ILRUN: variants seen among roughly 807,000 people sequenced by gnomAD.
ILRUN encodes protein ILRUN.
A neutral mutation model predicts 33.8 loss-of-function variants in ILRUN; 3 were observed. The ratio of observed to expected loss-of-function variants is 0.09; its 90% CI spans 0.04 to 0.23. The LOEUF (loss-of-function observed/expected upper bound fraction) is 0.23. ILRUN is among the 10% of genes least tolerant of loss of function. ILRUN has a pLI of 1.00. For missense variants in ILRUN, 210 were observed against 375.1 expected (o/e 0.56, Z 3.64); for synonymous variants, 124 against 138.9 (o/e 0.89, Z 0.75).
At chr6:34,675,363 T>C (rs1326945490) in intron 1 of ILRUN, among the ~76,000 whole-genome samples, 1 of 152,088 alleles carries the variant, frequency 6.6e-6, no homozygotes, top group Admixed American at 6.6e-5. Context: ...ATGATAAAGA[T>C]GGCATTTCAA....
At chr6:34,682,120 G>A (rs190095611) in intron 1 of ILRUN, among the ~76,000 whole-genome samples, 194 of 147,346 alleles carry the variant, frequency 1.3e-3, no homozygotes, top group African/African-American at 4.3e-3. Context: ...TGATCCGCCC[G>A]CCTGGCCTCC....
intron 1 of ILRUN, among the ~76,000 whole-genome samples, chr6:34,682,547 C>T (rs1451442708): frequency 6.6e-6 from 1 of 151,984 alleles, no homozygotes; most frequent in African/African-American, 2.4e-5. Flanking sequence ...GGTGAGCCAC[C>T]GCGCCCAGCC....
chr6:34,685,807 G>T (rs1415381199), intron 1 of ILRUN, among the ~76,000 whole-genome samples: 1 of 152,030 alleles, frequency 6.6e-6, no homozygotes, highest in Non-Finnish European at 1.5e-5. Flanking sequence ...ATTTAATACA[G>T]AGCTAATGAG....
chr6:34,605,054 C>T (rs1761596806), intron 4 of ILRUN, among the ~76,000 whole-genome samples: 1 of 152,296 alleles, frequency 6.6e-6, no homozygotes, highest in East Asian at 1.9e-4. Context: ...CGCCTGTAAT[C>T]CCAACACTTT....
chr6:34,657,274 CTATT>C (rs771095253), intron 1 of ILRUN, among the ~76,000 whole-genome samples: 1 of 152,116 alleles, frequency 6.6e-6, no homozygotes, highest in Non-Finnish European at 1.5e-5. Context: ...AGGGAAGAAA[CTATT>C]TGTGCACTCA....
intron 1 of ILRUN, chr6:34,686,531 A>AACAACAAAAAGAC (rs1375745759): frequency 6.0e-6 from 1 of 167,788 alleles, no homozygotes; most frequent in East Asian, 1.7e-4. Flanking sequence ...CTTACAACTG[A>AACAACAAAAAGAC]ACAACAAAAA....
At chr6:34,600,982 C>A (rs964809839) in intron 4 of ILRUN, among the ~76,000 whole-genome samples, 1 of 152,190 alleles carries the variant, frequency 6.6e-6, no homozygotes, top group Non-Finnish European at 1.5e-5. Context: ...GGGCAAATCA[C>A]TGAACCAGTC....
chr6:34,687,075 A>G lies in ILRUN; in HGVS notation c.158+9371T>C, dbSNP rs562581768. On this transcript the variant is annotated intron_variant, in intron 1 of 4. Transcript: ENST00000374023. ...TGCAAGCATTTTGAACTGGGAGGCG[A>G]TAAGACGAGAAAGGACCAAGTGATA... The G allele has an allele frequency of 6.1e-5, 11 of 180,336 alleles. No individual in the cohort carries two copies. In the South Asian group the frequency reaches 1.3e-3, roughly 22 times the overall value. The allele number at this position is 180,336 out of a possible 1,614,324, so 11.2% of individuals were successfully genotyped here.
rs762670417 is a variant in ILRUN at position 34,590,577 on chromosome 6, G to A, written c.885C>T (p.Phe295=). ...YSKGLHGPYP[F]GQS is the part of the protein sequence containing the mutation. ...TGCTGACACCCGTTTAAGACTGGCC[G>A]AAGGGGTAAGGCCCATGGAGCCCCT... Residue 295 remains phenylalanine, a synonymous_variant, in exon 5 of 5, where the codon TTC becomes TTT. Transcript: ENST00000374023. 6.1e-5 allele frequency: 99 copies of A among 1,613,670 alleles called. No homozygotes were observed. Among genetic ancestry groups the A allele is most frequent in the Non-Finnish European group, 8.0e-5 (94 of 1,179,746 alleles).
At chr6:34,596,643 C>T (rs968079213) in intron 4 of ILRUN, among the ~76,000 whole-genome samples, 1 of 152,020 alleles carries the variant, frequency 6.6e-6, no homozygotes, top group Non-Finnish European at 1.5e-5. Flanking sequence ...TGACAGTTTC[C>T]CAAAATTCAA....
chr6:34,688,013 G>C (rs1182018303), intron 1 of ILRUN, among the ~76,000 whole-genome samples: 1 of 151,760 alleles, frequency 6.6e-6, no homozygotes, highest in African/African-American at 2.4e-5. Flanking sequence ...ATAGTCAAAA[G>C]ATAGAAACAC....
At chr6:34,675,514 AGT>A (rs1447400404) in intron 1 of ILRUN, among the ~76,000 whole-genome samples, 1 of 152,146 alleles carries the variant, frequency 6.6e-6, no homozygotes, top group Non-Finnish European at 1.5e-5. Context: ...AGAAAACAGA[AGT>A]GAATTTTATA....
At position 34,673,827 on chromosome 6, in the gene ILRUN, C is replaced by CCACACA. The variant is rs537172828; in HGVS notation, c.159-19049_159-19048insTGTGTG. Among the ~76,000 whole-genome samples, 37 of 107,740 alleles carry CCACACA rather than the reference C, an allele frequency of 3.4e-4. 2 individuals are homozygous for CCACACA. Among genetic ancestry groups the CCACACA allele is most frequent in the African/African-American group, 5.0e-4 (11 of 21,996 alleles). The allele number at this position is 107,740 out of a possible 152,430, so 70.7% of individuals were successfully genotyped here. On this transcript the variant is annotated intron_variant, in intron 1 of 4. Transcript: ENST00000374023. ...GATCCTGTCTCAAAAACAGTAACAA[C>CCACACA]CACATACACACACACACACACACAC...
At chr6:34,638,129 C>T (rs1762403130) in intron 3 of ILRUN, among the ~76,000 whole-genome samples, 1 of 152,156 alleles carries the variant, frequency 6.6e-6, no homozygotes, top group South Asian at 2.1e-4. Flanking sequence ...CTCAGGCAAT[C>T]CACCTGCCTC....
intron 4 of ILRUN, among the ~76,000 whole-genome samples, chr6:34,591,835 G>A (rs1032576642): frequency 3.3e-5 from 5 of 152,172 alleles, no homozygotes; most frequent in Non-Finnish European, 5.9e-5. Flanking sequence ...AAGAGGCAGA[G>A]CCAAGATTCA....
intron 1 of ILRUN, among the ~76,000 whole-genome samples, chr6:34,683,409 T>TATATATACATATATATAC (rs1554189811): frequency 8.0e-5 from 8 of 99,624 alleles, no homozygotes; most frequent in East Asian, 5.2e-4. Context: ...CATATATACA[T>TATATATACATATATATAC]ATATATATAC....
In ILRUN at chr6:34,600,978, A is replaced by G. The variant is rs1761495573; in HGVS notation, c.861+5577T>C. Among the ~76,000 whole-genome samples the G allele has an allele frequency of 1.3e-5, 2 of 152,212 alleles. 1 individual carries two copies. The highest frequency in any genetic ancestry group is 2.9e-5 in the Non-Finnish European group (2 of 68,042). On this transcript the variant is annotated intron_variant, in intron 4 of 4. Transcript: ENST00000374023. ...CACCCCGGTACATGACCTTGGGCAA[A>G]TCACTGAACCAGTCTCAGTAACTGT...
In ILRUN at chr6:34,616,533, G is replaced by A. The variant is rs2127334029; in HGVS notation, c.512-9629C>T. On this transcript the variant is annotated intron_variant, in intron 3 of 4. Coordinates refer to ENST00000374023, the MANE Select transcript of ILRUN (RefSeq NM_024294.4). Reference sequence around the variant, plus strand: ...TCAGTATTATGCTCTTTTCAGGCTGGAACCATGGAGGGTGTCGAAGAGAAG... The same window carrying A: ...TCAGTATTATGCTCTTTTCAGGCTGAAACCATGGAGGGTGTCGAAGAGAAG... The A allele has an allele frequency of 7.0e-6, 8 of 1,142,260 alleles. No individual in the cohort carries two copies. The South Asian group carries it at 7.5e-5, about 11-fold the overall frequency. The allele number at this position is 1,142,260 out of a possible 1,614,324, so 70.8% of individuals were successfully genotyped here. A position where few individuals can be genotyped will look rare whatever the true frequency, so the allele number is the denominator to read the frequency against.
intron 3 of ILRUN, among the ~76,000 whole-genome samples, chr6:34,641,114 C>A (rs1428626509): frequency 6.8e-6 from 1 of 147,288 alleles, no homozygotes; most frequent in Non-Finnish European, 1.5e-5. Flanking sequence ...ATAGAAACAA[C>A]CACCCCACCA....
Sources: gnomAD v4.1 joint callset for allele counts (sites outside exome capture counted in the v4.1 genomes callset) on GRCh38, gnomAD v4.1.1 for gene constraint, MANE v1.5 for transcripts, NCBI Gene and HGNC (gene_info 2026-07-23, HGNC 2026-07-21) for gene names.